PIAS2: variants seen among roughly 807,000 people sequenced by gnomAD.
The protein encoded by PIAS2 is protein inhibitor of activated STAT 2, also known as E3 SUMO-protein ligase PIAS2.
In PIAS2, 19 loss-of-function variants were observed where a neutral mutation model predicts 69.7. The observed-to-expected ratio is 0.27, with a 90% CI of 0.19 to 0.40. The LOEUF (loss-of-function observed/expected upper bound fraction) is 0.40. PIAS2 is among the 10% of genes least tolerant of loss of function. The pLI is 1.00. For synonymous variants in PIAS2, 261 were observed against 263.2 expected (o/e 0.99, Z 0.08); for missense variants, 624 against 757.0 (o/e 0.82, Z 2.06).
chr18:46,875,571 C>T (rs373235206), intron 2 of PIAS2, among the ~76,000 whole-genome samples: 27 of 152,098 alleles, frequency 1.8e-4, no homozygotes, highest in African/African-American at 4.6e-4. Context: ...ACCCAGAGTC[C>T]GGGGAATATA....
intron 1 of PIAS2, among the ~76,000 whole-genome samples, chr18:46,894,117 C>T (rs2054489213): frequency 6.6e-6 from 1 of 152,192 alleles, no homozygotes; most frequent in South Asian, 2.1e-4. Context: ...CAGAGTGAGA[C>T]CCCATCTCAA....
At position 46,908,512 on chromosome 18, in the gene PIAS2, G is replaced by A. The variant is rs1001708565; in HGVS notation, c.24+8810C>T. On this transcript the variant is annotated intron_variant, in intron 1 of 13. Transcript: ENST00000585916. ...CACACTGTATACAAAATCAACTCCA[G>A]GTGGATTAAAACCTTAAATGAGAAA... is the stretch of plus-strand genomic sequence containing the variant. 8.0e-5 allele frequency among the ~76,000 whole-genome samples: 12 copies of A among 149,350 alleles called. No homozygotes were observed. The East Asian group carries it at 2.1e-3, about 27-fold the overall frequency.
At chr18:46,848,388 G>A (rs115604453) in intron 5 of PIAS2, among the ~76,000 whole-genome samples, 79 of 152,230 alleles carry the variant, frequency 5.2e-4, no homozygotes, top group African/African-American at 1.8e-3. Context: ...AACCAGTCAC[G>A]CCATGCCAAT....
At chr18:46,873,136 T>C (rs1261126708) in intron 2 of PIAS2, among the ~76,000 whole-genome samples, 2 of 152,180 alleles carry the variant, frequency 1.3e-5, no homozygotes, top group Non-Finnish European at 2.9e-5. Flanking sequence ...AGCTAACCTT[T>C]GGGGGAAACT....
rs2044433405 is a variant in PIAS2, at chr18:46,836,345, G to C, written c.1202+12C>G. 3 of 1,610,160 alleles carry C rather than the reference G, an allele frequency of 1.9e-6. No homozygotes were observed. Among genetic ancestry groups the C allele is most frequent in the East Asian group, 2.2e-5 (1 of 44,840 alleles). On this transcript the variant is annotated intron_variant, in intron 9 of 13. Coordinates refer to ENST00000585916, the MANE Select transcript of PIAS2 (RefSeq NM_004671.5). ...ATTAGTCCATATCAGCTGTTAAAAG[G>C]GATATACTTACCCATCTAATATTAG...
chr18:46,895,350 T>C (rs990462997), intron 1 of PIAS2, among the ~76,000 whole-genome samples: 2 of 151,994 alleles, frequency 1.3e-5, no homozygotes, highest in Non-Finnish European at 2.9e-5. Flanking sequence ...ATTATTAATA[T>C]TGCCTACTCC....
At chr18:46,854,233 C>T (rs1480733842) in intron 5 of PIAS2, among the ~76,000 whole-genome samples, 1 of 152,192 alleles carries the variant, frequency 6.6e-6, no homozygotes, top group African/African-American at 2.4e-5. Context: ...AGTCCTAGAT[C>T]ATATTGTCTG....
chr18:46,812,651 T>G, intron 13 of PIAS2, 39 bp from the exon 14 acceptor site: 1 of 1,269,340 alleles, frequency 7.9e-7, no homozygotes, highest in Non-Finnish European at 1.1e-6. Context: ...AGGAAGAGGC[T>G]ACTTGATTTT....
intron 6 of PIAS2, 86 bp downstream of exon 6, chr18:46,846,621 G>C: frequency 7.7e-7 from 1 of 1,295,308 alleles, no homozygotes; most frequent in East Asian, 2.6e-5. Flanking sequence ...AACAGAAAGA[G>C]CTGAAGCCAA....
At chr18:46,880,038 C>T (rs888210844) in intron 2 of PIAS2, among the ~76,000 whole-genome samples, 8 of 149,606 alleles carry the variant, frequency 5.3e-5, no homozygotes, top group African/African-American at 2.0e-4. Context: ...TATTAATATA[C>T]TTCATGCCAC....
intron 1 of PIAS2, among the ~76,000 whole-genome samples, chr18:46,896,551 G>A (rs1287969787): frequency 6.6e-6 from 1 of 152,172 alleles, no homozygotes; most frequent in Non-Finnish European, 1.5e-5. Context: ...CGTGTTAGAA[G>A]ACAAATATAG....
At chr18:46,911,370 C>T (rs574908086) in intron 1 of PIAS2, among the ~76,000 whole-genome samples, 10 of 152,122 alleles carry the variant, frequency 6.6e-5, no homozygotes, top group African/African-American at 2.4e-4. Flanking sequence ...TGCCCACCAC[C>T]ACGTCGGGCT....
intron 2 of PIAS2, among the ~76,000 whole-genome samples, chr18:46,871,927 G>T (rs1399184755): frequency 6.6e-6 from 1 of 152,132 alleles, no homozygotes; most frequent in Admixed American, 6.5e-5. Context: ...CACTGCAAAT[G>T]AAAAATATAT....
intron 1 of PIAS2, among the ~76,000 whole-genome samples, chr18:46,901,902 A>G (rs1215972329): frequency 6.6e-6 from 1 of 152,252 alleles, no homozygotes; most frequent in Non-Finnish European, 1.5e-5. Flanking sequence ...CATTCAACAC[A>G]GTACTAAAAG....
At chr18:46,817,970 C>T (rs1255193414) in intron 12 of PIAS2, 1 of 985,140 alleles carries the variant, frequency 1.0e-6, no homozygotes, top group Non-Finnish European at 1.2e-6. Flanking sequence ...TAAGTTTCAA[C>T]TGCAGCGTGT....
chr18:46,891,514 G>T (rs1385742695), intron 1 of PIAS2: 4 of 177,994 alleles, frequency 2.2e-5, no homozygotes, highest in East Asian at 3.8e-4. Context: ...ATGCTGAGTA[G>T]TAAATCCATA....
chr18:46,856,933 C>T lies in PIAS2; in HGVS notation c.585-1318G>A, dbSNP rs564554806. Among the ~76,000 whole-genome samples, 5 of 152,348 alleles carry T rather than the reference C, an allele frequency of 3.3e-5. No homozygotes were observed. In the South Asian group the frequency reaches 8.3e-4, roughly 25 times the overall value. Reference sequence around the variant, plus strand: ...TTAAGTTCTACAGTCCCAAGCTGCACAACATTGTGCAAATCACTTAACCAT... The same window carrying T: ...TTAAGTTCTACAGTCCCAAGCTGCATAACATTGTGCAAATCACTTAACCAT... On this transcript the variant is annotated intron_variant, in intron 3 of 13. Transcript: ENST00000585916.
intron 2 of PIAS2, among the ~76,000 whole-genome samples, chr18:46,888,334 G>A (rs2053529747): frequency 1.3e-5 from 2 of 150,596 alleles, no homozygotes; most frequent in African/African-American, 4.9e-5. Context: ...CAAATTTACA[G>A]ATTCACTACA....
chr18:46,859,319 T>A (rs1026755524), intron 3 of PIAS2, among the ~76,000 whole-genome samples: 1 of 149,092 alleles, frequency 6.7e-6, no homozygotes, highest in Non-Finnish European at 1.5e-5. Flanking sequence ...TCCCAGCTAC[T>A]CAGGAGGCTG....
Sources: allele counts gnomAD v4.1 joint callset (sites outside exome capture counted in the v4.1 genomes callset), GRCh38; gene constraint gnomAD v4.1.1; transcripts MANE v1.5; gene names NCBI Gene and HGNC (gene_info 2026-07-23, HGNC 2026-07-21).